The following GBE1 variants were observed in gnomAD, a reference collection of about 807,000 sequenced individuals.
GBE1 encodes the protein 1,4-alpha-glucan-branching enzyme.
GBE1 carries 70 observed loss-of-function variants against 88.8 expected under a neutral mutation model. That is an observed-to-expected ratio of 0.79 (90% CI 0.65 to 0.96). GBE1 has a LOEUF of 0.96. GBE1 is among the 40% of genes least tolerant of loss of function. GBE1 has a pLI of 0.00. For missense variants in GBE1, 872 were observed against 871.0 expected (o/e 1.00, Z -0.01); for synonymous variants, 284 against 300.1 (o/e 0.95, Z 0.56).
intron 2 of GBE1, among the ~76,000 whole-genome samples, chr3:81,692,758 AT>A (rs1205456667): frequency 1.3e-5 from 2 of 152,188 alleles, no homozygotes; most frequent in Admixed American, 6.5e-5. Context: ...TATAAATTTA[AT>A]TTTTTAAACC....
At chr3:81,684,365 C>T (rs1403162507) in intron 2 of GBE1, among the ~76,000 whole-genome samples, 1 of 152,096 alleles carries the variant, frequency 6.6e-6, no homozygotes, top group African/African-American at 2.4e-5. Flanking sequence ...GTCACTTAAA[C>T]AAAAAACATT....
chr3:81,582,932 T>C (rs964113084), intron 10 of GBE1, among the ~76,000 whole-genome samples: 1 of 151,876 alleles, frequency 6.6e-6, no homozygotes, highest in Admixed American at 6.6e-5. Flanking sequence ...GTGAAGAGGA[T>C]GAAAGAACAA....
At chr3:81,687,742 A>C (rs1487532675) in intron 2 of GBE1, among the ~76,000 whole-genome samples, 3 of 152,184 alleles carry the variant, frequency 2.0e-5, no homozygotes, top group African/African-American at 2.4e-5. Context: ...ACAGATTTAC[A>C]AGGTGAGCAC....
Position 81,592,743 on chromosome 3 carries a change from C to T in GBE1, c.1108+1165G>A, listed in dbSNP as rs917285741. On this transcript the variant is annotated intron_variant, in intron 8 of 15. Coordinates refer to ENST00000429644, the MANE Select transcript of GBE1 (RefSeq NM_000158.4). ...AAATTCTTGGAAGATACTCCTCTCT[C>T]GGTGAGGTAGTTTCTGCAGGGGCAC... Among the ~76,000 whole-genome samples the T allele has an allele frequency of 3.9e-5, 6 of 152,098 alleles. No homozygotes were observed. The South Asian group carries it at 6.3e-4, about 16-fold the overall frequency.
At chr3:81,740,396 G>T (rs1290973303) in intron 1 of GBE1, among the ~76,000 whole-genome samples, 1 of 149,404 alleles carries the variant, frequency 6.7e-6, no homozygotes. Flanking sequence ...TTTTAAGCTG[G>T]TATCTACCCA....
At chr3:81,594,052 G>C in intron 7 of GBE1, 29 bp from the exon 8 acceptor site, 1 of 1,101,512 alleles carries the variant, frequency 9.1e-7, no homozygotes. Context: ...ATGTATTTAA[G>C]CAAAATGTGA....
intron 12 of GBE1, among the ~76,000 whole-genome samples, chr3:81,574,539 T>G (rs1237648719): frequency 1.3e-5 from 2 of 152,126 alleles, no homozygotes; most frequent in African/African-American, 4.8e-5. Flanking sequence ...CTGTACCTTT[T>G]CTCTAAAAAG....
chr3:81,537,134 A>T (rs767709966), intron 12 of GBE1, 39 bp from the exon 13 acceptor site: 2 of 1,206,984 alleles, frequency 1.7e-6, no homozygotes, highest in East Asian at 5.9e-5. Flanking sequence ...GCCTATTAAT[A>T]TTAGAATTTC....
At chr3:81,601,706 A>T (rs1704034846) in intron 7 of GBE1, among the ~76,000 whole-genome samples, 1 of 152,198 alleles carries the variant, frequency 6.6e-6, no homozygotes, top group Non-Finnish European at 1.5e-5. Context: ...TGGCTGTAAT[A>T]TATCAATGTG....
intron 15 of GBE1, among the ~76,000 whole-genome samples, chr3:81,491,522 T>A (rs1192855044): frequency 2.6e-5 from 4 of 152,232 alleles, no homozygotes; most frequent in Non-Finnish European, 4.4e-5. Context: ...TGAATTTTTT[T>A]ATAAAATTGA....
intron 11 of GBE1, among the ~76,000 whole-genome samples, chr3:81,579,706 G>C (rs1223467336): frequency 6.7e-6 from 1 of 148,456 alleles, no homozygotes; most frequent in Non-Finnish European, 1.5e-5. Context: ...TTCTTTTCTA[G>C]ATTGGGTTCT....
At chr3:81,743,499 C>A (rs989285408) in intron 1 of GBE1, 1 of 1,123,844 alleles carries the variant, frequency 8.9e-7, no homozygotes, top group South Asian at 1.3e-5. Flanking sequence ...ATCTTTCCAA[C>A]CCCCCTCTCT....
chr3:81,570,678 G>A (rs1411647756), intron 12 of GBE1, among the ~76,000 whole-genome samples: 1 of 152,162 alleles, frequency 6.6e-6, no homozygotes, highest in Non-Finnish European at 1.5e-5. Flanking sequence ...GCAGTAGTTG[G>A]ATCATAAAGG....
intron 7 of GBE1, among the ~76,000 whole-genome samples, chr3:81,617,574 T>C (rs1425638301): frequency 1.3e-5 from 2 of 152,104 alleles, no homozygotes; most frequent in African/African-American, 2.4e-5. Flanking sequence ...AAACCCTACT[T>C]GGTTATGGTG....
intron 12 of GBE1, among the ~76,000 whole-genome samples, chr3:81,551,324 T>C (rs1441172972): frequency 2.6e-5 from 4 of 152,100 alleles, no homozygotes; most frequent in Non-Finnish European, 5.9e-5. Context: ...CTTAACATGA[T>C]GGGGGGTGCT....
chr3:81,730,667 A>G (rs528591024), intron 1 of GBE1, among the ~76,000 whole-genome samples: 1 of 152,294 alleles, frequency 6.6e-6, no homozygotes, highest in African/African-American at 2.4e-5. Flanking sequence ...ATATACCAGA[A>G]AGCCTTCTAG....
At chr3:81,514,748 T>C (rs574394235) in intron 14 of GBE1, among the ~76,000 whole-genome samples, 6 of 151,804 alleles carry the variant, frequency 4.0e-5, no homozygotes, top group African/African-American at 1.2e-4. Context: ...AATACTTTTA[T>C]GTAAATAAAA....
At chr3:81,612,591 C>T (rs1170693479) in intron 7 of GBE1, 3 of 651,186 alleles carry the variant, frequency 4.6e-6, no homozygotes, top group Admixed American at 3.7e-5. Flanking sequence ...GGGATGTTGG[C>T]GATCAGTTCT....
intron 10 of GBE1, among the ~76,000 whole-genome samples, chr3:81,583,545 C>A (rs916426995): frequency 7.2e-5 from 11 of 152,092 alleles, no homozygotes; most frequent in Admixed American, 3.3e-4. Context: ...CTGTTGAATG[C>A]GCTGTTGATA....
Sources: allele counts gnomAD v4.1 joint callset (sites outside exome capture counted in the v4.1 genomes callset), GRCh38; gene constraint gnomAD v4.1.1; transcripts MANE v1.5; gene names NCBI Gene and HGNC (gene_info 2026-07-23, HGNC 2026-07-21).